Variants in CACNA2D1 observed in about 807,000 individuals in gnomAD.
CACNA2D1 encodes voltage-dependent calcium channel subunit alpha-2/delta-1.
A neutral mutation model predicts 171.5 loss-of-function variants in CACNA2D1; 53 were observed. That is an observed-to-expected ratio of 0.31 (90% confidence interval 0.25 to 0.39). The LOEUF (loss-of-function observed/expected upper bound fraction) is 0.39, where lower values mean the gene tolerates loss of function less well. CACNA2D1 is among the 10% of genes least tolerant of loss of function. CACNA2D1 has a pLI of 1.00. For synonymous variants in CACNA2D1, 442 were observed against 443.1 expected (o/e 1.00, Z 0.03); for missense variants, 903 against 1,299.8 (o/e 0.69, Z 4.69).
intron 12 of CACNA2D1, among the ~76,000 whole-genome samples, chr7:82,031,128 T>G (rs1562895162): frequency 6.6e-6 from 1 of 151,858 alleles, no homozygotes; most frequent in Non-Finnish European, 1.5e-5. Context: ...GTAGATTTTT[T>G]TTTTTTAATC....
intron 9 of CACNA2D1, among the ~76,000 whole-genome samples, 158 bp from the exon 10 acceptor site, chr7:82,060,685 G>A (rs1806773841): frequency 6.6e-6 from 1 of 151,838 alleles, no homozygotes. Flanking sequence ...TACATTTTTT[G>A]ATAGAAGTGG....
chr7:82,440,858 T>A (rs10240637), intron 1 of CACNA2D1, among the ~76,000 whole-genome samples: 26,457 of 151,768 alleles, frequency 0.17, 3,068 homozygotes, highest in African/African-American at 0.32. Context: ...CTAATTGAAG[T>A]CCAACTCCAA....
chr7:81,997,092 A>G, intron 19 of CACNA2D1, 87 bp downstream of exon 19: 7 of 811,732 alleles, frequency 8.6e-6, no homozygotes, highest in Non-Finnish European at 1.3e-5. Flanking sequence ...AAGCTAACAC[A>G]TTGTAGCCGT....
intron 3 of CACNA2D1, among the ~76,000 whole-genome samples, chr7:82,286,740 A>C (rs1457593665): frequency 6.6e-6 from 1 of 152,198 alleles, no homozygotes; most frequent in Non-Finnish European, 1.5e-5. Flanking sequence ...AAAAAGAAAG[A>C]AAGCAAAAAG....
In CACNA2D1 at chr7:82,405,805, T is replaced by C. The variant is rs562956809; in HGVS notation, c.95+37560A>G. Among the ~76,000 whole-genome samples, 23 of 152,284 alleles carry C rather than the reference T, an allele frequency of 1.5e-4. No individual in the cohort carries two copies. In the South Asian group the frequency reaches 3.7e-3, roughly 25 times the overall value. On this transcript the variant is annotated intron_variant, in intron 1 of 38. Transcript: ENST00000356860. ...TTATAGTTTAGATGCCTGTGCTACATACAAAAAGAAAAGAATGTATTTTTG... is the reference window on the plus strand; with the variant it reads ...TTATAGTTTAGATGCCTGTGCTACACACAAAAAGAAAAGAATGTATTTTTG...
rs559284669 is a variant in CACNA2D1 at position 81,976,302 on chromosome 7, G to T, written c.1956-1750C>A. On this transcript the variant is annotated intron_variant, in intron 24 of 38. Coordinates refer to ENST00000356860, the MANE Select transcript of CACNA2D1 (RefSeq NM_000722.4). ...AAGAAAGTCAATGGTAGCTTGATGG[G>T]TATAGCATTGAATCTATAAATTACT... 1.6e-3 allele frequency among the ~76,000 whole-genome samples: 238 copies of T among 152,238 alleles called. 1 individual carries two copies. Among genetic ancestry groups the T allele is most frequent in the Non-Finnish European group, 1.9e-3 (131 of 68,014 alleles).
chr7:82,249,954 A>G (rs1409424452), intron 3 of CACNA2D1, among the ~76,000 whole-genome samples: 1 of 152,222 alleles, frequency 6.6e-6, no homozygotes, highest in African/African-American at 2.4e-5. Context: ...GGACTGGGTA[A>G]TTTATAAAGA....
rs536016691 is a variant in CACNA2D1 at position 82,269,630 on chromosome 7, G to A, written c.294+65505C>T. 5.2e-4 allele frequency among the ~76,000 whole-genome samples: 79 copies of A among 152,232 alleles called. 2 individuals carry two copies. In the South Asian group the frequency reaches 0.015, roughly 29 times the overall value. On this transcript the variant is annotated intron_variant, in intron 3 of 38. Coordinates refer to ENST00000356860, the MANE Select transcript of CACNA2D1 (RefSeq NM_000722.4). ...ACAATTTTCCCCACTGCACTGTGAG[G>A]TCCTTAAGGCAGACACTGTCCTTCA...
At chr7:82,161,611 A>G (rs1294861744) in intron 4 of CACNA2D1, among the ~76,000 whole-genome samples, 2 of 152,086 alleles carry the variant, frequency 1.3e-5, no homozygotes, top group Non-Finnish European at 2.9e-5. Flanking sequence ...TTTGAGCTAT[A>G]TTAACTGGAG....
intron 6 of CACNA2D1, among the ~76,000 whole-genome samples, chr7:82,094,844 T>C (rs1022058696): frequency 1.4e-5 from 2 of 145,970 alleles, no homozygotes; most frequent in Non-Finnish European, 3.0e-5. Flanking sequence ...AGTGTAGCTA[T>C]CCTCGTTTCT....
At chr7:82,228,815 A>G (rs1802613293) in intron 3 of CACNA2D1, among the ~76,000 whole-genome samples, 2 of 152,122 alleles carry the variant, frequency 1.3e-5, no homozygotes, top group African/African-American at 4.8e-5. Context: ...CTATAGCTAC[A>G]TGTTAAAATC....
intron 1 of CACNA2D1, among the ~76,000 whole-genome samples, chr7:82,403,204 A>G (rs151082260): frequency 6.0e-4 from 92 of 152,346 alleles, no homozygotes; most frequent in African/African-American, 2.1e-3. Flanking sequence ...TCTTAAATAC[A>G]TCTTGGTGAT....
Position 82,099,467 on chromosome 7 carries a change from T to G in CACNA2D1, c.527-14567A>C, listed in dbSNP as rs1287487885. 5.1e-5 allele frequency among the ~76,000 whole-genome samples: 2 copies of G among 39,200 alleles called. 1 individual carries two copies. The highest frequency in any genetic ancestry group is 1.1e-4 in the Non-Finnish European group (2 of 18,078). 25.7% of individuals were successfully genotyped at this position (39,200 alleles called of 152,430 possible). A position where few individuals can be genotyped will look rare whatever the true frequency, so the allele number is the denominator to read the frequency against. ...TTTTTTTTTTTTTTTTTTTTTTTTT[T>G]GAGACGGAGTCTCGCTCTGTCGCCC... On this transcript the variant is annotated intron_variant, in intron 6 of 38. Transcript: ENST00000356860.
intron 25 of CACNA2D1, among the ~76,000 whole-genome samples, chr7:81,972,952 A>G (rs994793350): frequency 7.9e-5 from 12 of 151,954 alleles, no homozygotes; most frequent in Non-Finnish European, 1.3e-4. Context: ...CTTTTTTACT[A>G]TATTGTTTTA....
intron 3 of CACNA2D1, among the ~76,000 whole-genome samples, chr7:82,328,462 T>C (rs2129443146): frequency 6.6e-6 from 1 of 152,282 alleles, no homozygotes; most frequent in South Asian, 2.1e-4. Flanking sequence ...CCTTTCACCT[T>C]TTCTTACTTT....
intron 14 of CACNA2D1, 40 bp downstream of exon 14, chr7:82,013,421 C>T: frequency 3.3e-6 from 3 of 897,654 alleles, no homozygotes; most frequent in Non-Finnish European, 4.7e-6. Context: ...ATATCTTTTA[C>T]TTGAAAAAAA....
At chr7:82,063,229 T>A (rs565256011) in intron 9 of CACNA2D1, among the ~76,000 whole-genome samples, 2 of 152,184 alleles carry the variant, frequency 1.3e-5, no homozygotes, top group Non-Finnish European at 2.9e-5. Context: ...GATATTATTA[T>A]ACATCCAACA....
chr7:82,171,432 A>G (rs768643227), intron 3 of CACNA2D1, among the ~76,000 whole-genome samples: 2 of 151,966 alleles, frequency 1.3e-5, no homozygotes, highest in Admixed American at 6.6e-5. Context: ...GGTTAGGAAC[A>G]CAGAGTTGGG....
In CACNA2D1 at chr7:82,041,673, C is replaced by T. The variant is rs545285537; in HGVS notation, c.880-3438G>A. 1.4e-4 allele frequency among the ~76,000 whole-genome samples: 22 copies of T among 152,234 alleles called. No homozygotes were observed. The East Asian group carries it at 4.2e-3, about 29-fold the overall frequency. On this transcript the variant is annotated intron_variant, in intron 10 of 38. Coordinates refer to ENST00000356860, the MANE Select transcript of CACNA2D1 (RefSeq NM_000722.4). ...ATTGAAAACTGAGTATCTTCAGGTC[C>T]AAATGACCAGTCCCACTGCCTCTTT...
Sources: gnomAD v4.1 joint callset for allele counts (sites outside exome capture counted in the v4.1 genomes callset) on GRCh38, gnomAD v4.1.1 for gene constraint, MANE v1.5 for transcripts, NCBI Gene and HGNC (gene_info 2026-07-23, HGNC 2026-07-21) for gene names.